Variants in LGR5 observed in about 807,000 individuals in gnomAD.
LGR5 encodes leucine rich repeat containing G protein-coupled receptor 5.
In LGR5, 54 loss-of-function variants were observed where a neutral mutation model predicts 76.7. The ratio of observed to expected loss-of-function variants is 0.70; its 90% CI spans 0.57 to 0.88. LGR5 has a LOEUF of 0.88. Among genes scored for constraint, LGR5 ranks in the 40% least tolerant of loss-of-function variants. LGR5 has a pLI of 0.00. For synonymous variants in LGR5, 406 were observed against 421.9 expected (o/e 0.96, Z 0.46); for missense variants, 1,078 against 1,073.3 (o/e 1.00, Z -0.06).
intron 1 of LGR5, among the ~76,000 whole-genome samples, chr12:71,477,619 C>G (rs1873397706): frequency 6.6e-6 from 1 of 151,462 alleles, no homozygotes; most frequent in South Asian, 2.1e-4. Context: ...AAAACTACAC[C>G]CTTTTGTATG....
chr12:71,485,450 C>T (rs1375500900), intron 1 of LGR5, among the ~76,000 whole-genome samples: 1 of 152,180 alleles, frequency 6.6e-6, no homozygotes, highest in East Asian at 1.9e-4. Context: ...GGTACAGTGG[C>T]TCATGCCTGT....
At chr12:71,545,013 T>G (rs1438610199) in intron 4 of LGR5, among the ~76,000 whole-genome samples, 1 of 152,056 alleles carries the variant, frequency 6.6e-6, no homozygotes, top group Non-Finnish European at 1.5e-5. Flanking sequence ...GGCTCACACC[T>G]GTAAACCCAG....
At chr12:71,500,487 A>C (rs1250065499) in intron 1 of LGR5, among the ~76,000 whole-genome samples, 1 of 152,038 alleles carries the variant, frequency 6.6e-6, no homozygotes, top group African/African-American at 2.4e-5. Context: ...ACCCAGACTG[A>C]AGTACAGTGG....
At chr12:71,563,605 AGACT>A (rs1243766726) in intron 8 of LGR5, among the ~76,000 whole-genome samples, 3 of 152,212 alleles carry the variant, frequency 2.0e-5, no homozygotes, top group Non-Finnish European at 2.9e-5. Context: ...TTCATAAACC[AGACT>A]GACTAAGTTA....
intron 1 of LGR5, among the ~76,000 whole-genome samples, chr12:71,483,233 G>A (rs992575655): frequency 2.0e-5 from 3 of 152,196 alleles, no homozygotes; most frequent in African/African-American, 7.2e-5. Flanking sequence ...TCCCAGAAAA[G>A]TGGGAAACTC....
chr12:71,556,739 A>G, intron 6 of LGR5, 49 bp downstream of exon 6: 3 of 1,399,150 alleles, frequency 2.1e-6, no homozygotes, highest in Non-Finnish European at 3.0e-6. Flanking sequence ...TTTCATGAAT[A>G]TTCTGAAGAA....
At chr12:71,500,571 G>A (rs1874554519) in intron 1 of LGR5, among the ~76,000 whole-genome samples, 1 of 151,952 alleles carries the variant, frequency 6.6e-6, no homozygotes, top group Admixed American at 6.6e-5. Context: ...CTAAGTAGCT[G>A]GGACTACAGG....
chr12:71,493,192 A>G (rs1430417058), intron 1 of LGR5, among the ~76,000 whole-genome samples: 2 of 151,338 alleles, frequency 1.3e-5, no homozygotes, highest in Admixed American at 6.6e-5. Flanking sequence ...GATCGTTTCC[A>G]GCAGTTTTTC....
intron 11 of LGR5, among the ~76,000 whole-genome samples, chr12:71,569,112 A>G (rs1394897675): frequency 6.6e-6 from 1 of 152,236 alleles, no homozygotes; most frequent in Non-Finnish European, 1.5e-5. Flanking sequence ...AGCCATATGC[A>G]GAAAATTGAA....
chr12:71,519,245 G>T (rs1875603863), intron 2 of LGR5, among the ~76,000 whole-genome samples: 1 of 152,088 alleles, frequency 6.6e-6, no homozygotes, highest in South Asian at 2.1e-4. Context: ...TACCTGCATG[G>T]TGCAGGCATC....
intron 4 of LGR5, among the ~76,000 whole-genome samples, chr12:71,547,055 C>G (rs1169315473): frequency 6.6e-6 from 1 of 152,156 alleles, no homozygotes; most frequent in African/African-American, 2.4e-5. Context: ...TCAAGCCCTC[C>G]CTCCAGAGAA....
rs1879261848 is a variant in LGR5, at chr12:71,584,984, C to T, written c.*250C>T. 7.5e-6 allele frequency: 3 copies of T among 398,190 alleles called. No homozygotes were observed. The highest frequency in any genetic ancestry group is 8.9e-6 in the Non-Finnish European group (2 of 224,618). The allele number at this position is 398,190 out of a possible 1,614,324, so 24.7% of individuals were successfully genotyped here. A position where few individuals can be genotyped will look rare whatever the true frequency, so the allele number is the denominator to read the frequency against. On this transcript the variant is annotated 3_prime_UTR_variant, in exon 18 of 18. Coordinates refer to ENST00000266674, the MANE Select transcript of LGR5 (RefSeq NM_003667.4). The stretch of plus-strand genomic sequence containing the variant: ...TCACACTATTTAAGTGAGCCCAGAT[C>T]AAAAAAGCAGATTGAAATTTTCTTT...
chr12:71,568,178 A>G (rs1382336234), intron 11 of LGR5, among the ~76,000 whole-genome samples: 1 of 152,204 alleles, frequency 6.6e-6, no homozygotes, highest in African/African-American at 2.4e-5. Context: ...ATGTCACACA[A>G]TGAGTGGTAA....
At chr12:71,506,222 C>A (rs993795791) in intron 2 of LGR5, among the ~76,000 whole-genome samples, 18 of 152,174 alleles carry the variant, frequency 1.2e-4, no homozygotes, top group African/African-American at 4.3e-4. Flanking sequence ...GCCCTGTTTA[C>A]CCCCATATTT....
At chr12:71,540,549 C>T (rs1876824780) in intron 4 of LGR5, among the ~76,000 whole-genome samples, 1 of 152,158 alleles carries the variant, frequency 6.6e-6, no homozygotes, top group Non-Finnish European at 1.5e-5. Flanking sequence ...ATAGAACCCA[C>T]CCCTGGACTC....
chr12:71,563,096 C>T (rs1878140229), intron 8 of LGR5, among the ~76,000 whole-genome samples: 1 of 152,126 alleles, frequency 6.6e-6, no homozygotes, highest in African/African-American at 2.4e-5. Flanking sequence ...TTTTGATATG[C>T]TAATACTCCC....
intron 4 of LGR5, among the ~76,000 whole-genome samples, chr12:71,546,335 T>TA (rs1877164742): frequency 6.6e-6 from 1 of 151,314 alleles, no homozygotes; most frequent in South Asian, 2.1e-4. Context: ...TATATATATA[T>TA]TAACTGTTTG....
At chr12:71,582,986 GGGGAAGGGAAGGGA>G (rs1459793431) in intron 17 of LGR5, among the ~76,000 whole-genome samples, 3 of 147,390 alleles carry the variant, frequency 2.0e-5, no homozygotes, top group African/African-American at 7.5e-5. Context: ...GGAAGGAGAA[GGGGAAGGGAAGGGA>G]GGGGAGGGAA....
chr12:71,585,078 G>GGA lies in LGR5; in HGVS notation c.*347_*348dup. ...ACCAATGTAATCATTTTGGGAGGAGGGAGAACCCACTTGCTTTCCAAATGG... is the reference window on the plus strand; with the variant it reads ...ACCAATGTAATCATTTTGGGAGGAGGGAGAGAACCCACTTGCTTTCCAAATGG... On this transcript the variant is annotated 3_prime_UTR_variant, in exon 18 of 18. Coordinates refer to ENST00000266674, the MANE Select transcript of LGR5 (RefSeq NM_003667.4). The GGA allele has an allele frequency of 5.1e-6, 1 of 196,424 alleles. No individual in the cohort carries two copies. The highest frequency in any genetic ancestry group is 2.2e-3 in the Middle Eastern group (1 of 450). The allele number at this position is 196,424 out of a possible 1,614,324, so 12.2% of individuals were successfully genotyped here. A position where few individuals can be genotyped will look rare whatever the true frequency, so the allele number is the denominator to read the frequency against.
Sources: allele counts gnomAD v4.1 joint callset (sites outside exome capture counted in the v4.1 genomes callset), GRCh38; gene constraint gnomAD v4.1.1; transcripts MANE v1.5; gene names NCBI Gene and HGNC (gene_info 2026-07-23, HGNC 2026-07-21).